Variants in NOS2 observed in about 807,000 individuals in gnomAD.
The protein encoded by NOS2 is nitric oxide synthase 2.
A neutral mutation model predicts 136.0 loss-of-function variants in NOS2; 96 were observed. That is an observed-to-expected ratio of 0.71 (90% CI 0.60 to 0.84). NOS2 has a LOEUF of 0.84. Among genes scored for constraint, NOS2 ranks in the 40% least tolerant of loss-of-function variants. The probability of loss-of-function intolerance (pLI) is 0.00; values close to 1 mark genes in which losing one functional copy is unlikely to be tolerated. For synonymous variants in NOS2, 539 were observed against 587.5 expected (o/e 0.92, Z 1.20); for missense variants, 1,237 against 1,496.9 (o/e 0.83, Z 2.87).
chr17:27,792,167 C>T (rs55684243), intron 2 of NOS2, among the ~76,000 whole-genome samples: 13,105 of 152,238 alleles, frequency 0.086, 733 homozygotes, highest in South Asian at 0.13. Context: ...AGATGGGCCA[C>T]GATTAGCCTG....
intron 12 of NOS2, among the ~76,000 whole-genome samples, chr17:27,773,551 A>G (rs1908567115): frequency 6.6e-6 from 1 of 152,250 alleles, no homozygotes; most frequent in South Asian, 2.1e-4. Flanking sequence ...ATCAGCAGGC[A>G]GATGACATAA....
intron 7 of NOS2, among the ~76,000 whole-genome samples, 178 bp downstream of exon 7, chr17:27,781,837 A>T (rs987199866): frequency 1.4e-4 from 21 of 152,184 alleles, no homozygotes; most frequent in African/African-American, 5.1e-4. Context: ...AGCTGAGCTC[A>T]CAGGGGCTGG....
intron 2 of NOS2, among the ~76,000 whole-genome samples, chr17:27,795,371 G>A (rs778437868): frequency 6.6e-6 from 1 of 152,172 alleles, no homozygotes; most frequent in Non-Finnish European, 1.5e-5. Context: ...AAGGATAATA[G>A]TTCCTGTCTC....
intron 14 of NOS2, among the ~76,000 whole-genome samples, chr17:27,771,585 G>A (rs1301106995): frequency 3.3e-5 from 5 of 152,262 alleles, no homozygotes; most frequent in Non-Finnish European, 7.3e-5. Context: ...AAGCCTCTAC[G>A]TGGCACAGAC....
intron 11 of NOS2, among the ~76,000 whole-genome samples, chr17:27,777,454 G>A (rs1350538782): frequency 6.6e-6 from 1 of 152,194 alleles, no homozygotes; most frequent in Non-Finnish European, 1.5e-5. Context: ...CCCAGCGGCT[G>A]TGTGTGGGCT....
In NOS2 at chr17:27,789,649, G is replaced by A; in HGVS notation, c.150C>T (p.Ser50=). ...TQDDLQYHNL[S]KQQNESPQPL... ...GCTGCGGGGACTCATTCTGCTGCTT[G>A]CTGAGGTTGTGATACTGAAGGTCAT... The change falls in exon 3 of 27, where the codon AGC becomes AGT. Residue 50 remains serine (S), a synonymous_variant. Transcript: ENST00000313735. 1.2e-6 allele frequency: 2 copies of A among 1,614,108 alleles called. No individual in the cohort carries two copies. Among genetic ancestry groups the A allele is most frequent in the Non-Finnish European group, 8.5e-7 (1 of 1,179,938 alleles).
chr17:27,759,106 C>A, intron 25 of NOS2, 31 bp from the exon 26 acceptor site: 1 of 1,495,514 alleles, frequency 6.7e-7, no homozygotes, highest in Non-Finnish European at 9.0e-7. Flanking sequence ...GGGTTCAGTC[C>A]TCAGCTGCTC....
In NOS2 at chr17:27,758,866, C is replaced by A; in HGVS notation, c.3354+15G>T. The stretch of plus-strand genomic sequence containing the variant: ...CCTTGGCCGGCACCTTCAGCCCACA[C>A]ACCCACTACTATACCTTGAGCTGAA... On this transcript the variant is annotated intron_variant, in intron 26 of 26. Transcript: ENST00000313735. 1.3e-6 allele frequency: 2 copies of A among 1,481,738 alleles called. No homozygotes were observed. Among genetic ancestry groups the A allele is most frequent in the Non-Finnish European group, 1.8e-6 (2 of 1,109,800 alleles). 91.8% of individuals were successfully genotyped at this position (1,481,738 alleles called of 1,614,324 possible). A position where few individuals can be genotyped will look rare whatever the true frequency, so the allele number is the denominator to read the frequency against.
At chr17:27,763,503 T>C (rs1206048042) in intron 21 of NOS2, among the ~76,000 whole-genome samples, 1 of 152,216 alleles carries the variant, frequency 6.6e-6, no homozygotes, top group Non-Finnish European at 1.5e-5. Flanking sequence ...ATAATGATGA[T>C]GATAATAATG....
chr17:27,765,254 C>T (rs933859101), intron 20 of NOS2, among the ~76,000 whole-genome samples: 2 of 152,234 alleles, frequency 1.3e-5, no homozygotes, highest in Admixed American at 1.3e-4. Context: ...TCCCAAAGTG[C>T]TGAGATTACA....
intron 5 of NOS2, among the ~76,000 whole-genome samples, chr17:27,787,050 A>G (rs1428829144): frequency 6.6e-6 from 1 of 152,138 alleles, no homozygotes; most frequent in Non-Finnish European, 1.5e-5. Context: ...AAAAGAAGAG[A>G]ACTCCAGAAA....
In NOS2 at chr17:27,770,923, C is replaced by G; in HGVS notation, c.1799G>C (p.Gly600Ala). 1.9e-6 allele frequency: 3 copies of G among 1,613,706 alleles called. No homozygotes were observed. Among genetic ancestry groups the G allele is most frequent in the Non-Finnish European group, 2.5e-6 (3 of 1,179,662 alleles). ...TSTFGNGDCP[G>A]NGEKLKKSLF... is the part of the protein sequence containing the mutation. The stretch of plus-strand genomic sequence containing the variant: ...CCTCAAGCCACCCACCTCTCCATTG[C>G]CAGGGCAGTCTCCATTGCCAAACGT... Residue 600 changes from glycine (G) to alanine (A), a missense_variant, in exon 15 of 27, where the codon GGC becomes GCC. By Grantham distance (60) the Gly-to-Ala change is moderately conservative. Transcript: ENST00000313735.
chr17:27,763,076 A>AG (rs1834046984), intron 21 of NOS2, 71 bp from the exon 22 acceptor site: 5 of 1,006,474 alleles, frequency 5.0e-6, no homozygotes, highest in Middle Eastern at 4.9e-4. Flanking sequence ...GTCACAACCC[A>AG]GTATTCATTC....
intron 2 of NOS2, chr17:27,793,534 C>A (rs1339994421): frequency 1.3e-5 from 5 of 396,434 alleles, no homozygotes; most frequent in Non-Finnish European, 2.2e-5. Flanking sequence ...GGGCCCCGCC[C>A]GGGCTCGGAG....
At chr17:27,791,636 C>T (rs1909182350) in intron 2 of NOS2, among the ~76,000 whole-genome samples, 1 of 152,088 alleles carries the variant, frequency 6.6e-6, no homozygotes, top group South Asian at 2.1e-4. Flanking sequence ...TCCTCCACTG[C>T]CAGACCCCAC....
chr17:27,794,712 G>GCACACACACACA (rs1471450143), intron 2 of NOS2, among the ~76,000 whole-genome samples: 40 of 123,892 alleles, frequency 3.2e-4, no homozygotes, highest in African/African-American at 1.5e-3. Context: ...ACACACACAC[G>GCACACACACACA]CGCACACACA....
At chr17:27,761,102 G>A (rs1729580667) in intron 23 of NOS2, 42 bp downstream of exon 23, 1 of 1,492,306 alleles carries the variant, frequency 6.7e-7, no homozygotes, top group Non-Finnish European at 9.0e-7. Context: ...AACTCCCAGG[G>A]GTCGGCGGCC....
chr17:27,785,536 C>T (rs1246540749), intron 5 of NOS2, among the ~76,000 whole-genome samples: 2 of 152,128 alleles, frequency 1.3e-5, no homozygotes, highest in African/African-American at 4.8e-5. Context: ...ACCCTGCCAT[C>T]AGAATTTTGC....
Position 27,769,579 on chromosome 17 carries a change from C to T in NOS2, c.1815G>A (p.Leu605=), listed in dbSNP as rs201473277. The change falls in exon 16 of 27, where the codon CTG becomes CTA. Residue 605 remains leucine, a synonymous_variant. Transcript: ENST00000313735. The part of the protein sequence containing the change: ...NGDCPGNGEK[L]KKSLFMLKEL... ...CTTTCAGCATGAAGAGCGATTTCTTCAGTTTCTAGAAAGAGAGGGAATGAC... is the reference window on the plus strand; with the variant it reads ...CTTTCAGCATGAAGAGCGATTTCTTTAGTTTCTAGAAAGAGAGGGAATGAC... 1.4e-5 allele frequency: 23 copies of T among 1,612,444 alleles called. No individual in the cohort carries two copies. In the Middle Eastern group the frequency reaches 1.5e-3, roughly 104 times the overall value.
Sources: gnomAD v4.1 joint callset for allele counts (sites outside exome capture counted in the v4.1 genomes callset) on GRCh38, gnomAD v4.1.1 for gene constraint, MANE v1.5 for transcripts, NCBI Gene and HGNC (gene_info 2026-07-23, HGNC 2026-07-21) for gene names.